Variants in PAK3 observed in about 807,000 individuals in gnomAD.
PAK3 encodes the protein serine/threonine-protein kinase PAK 3.
Under a neutral mutation model 41.0 loss-of-function variants are expected in PAK3, and 4 were observed. The ratio of observed to expected loss-of-function variants is 0.10; its 90% confidence interval spans 0.05 to 0.22. PAK3 has a LOEUF of 0.22. PAK3 is among the 10% of genes least tolerant of loss of function. The pLI is 1.00. For missense variants in PAK3, 205 were observed against 409.9 expected, an observed-to-expected ratio of 0.50 and a Z score of 4.32; for synonymous variants, 146 against 139.6, an observed-to-expected ratio of 1.05 and a Z score of -0.32.
At chrX:110,985,354 C>T (rs1162411574) in intron 1 of PAK3, among the ~76,000 whole-genome samples, 1 of 111,853 alleles carries the variant, frequency 8.9e-6, no homozygotes, top group African/African-American at 3.2e-5. Context: ...CCCCCTTCCT[C>T]CTACCTCCCT....
chrX:111,172,885 T>C lies in PAK3; in HGVS notation c.767-133T>C, dbSNP rs2094361557. The C allele has an allele frequency of 1.4e-5, 7 of 515,699 alleles. No homozygotes were observed. The Admixed American group carries it at 1.6e-4, about 12-fold the overall frequency. The allele number at this position is 515,699 out of a possible 1,213,427, so 42.5% of individuals were successfully genotyped here. On this transcript the variant is annotated intron_variant, in intron 10 of 17. Transcript: ENST00000372007. ...TCCCATGGGAGTATTTGTCTAATGT[T>C]TTATTTGTCACTGACTCTGGCATCT...
At chrX:111,187,559 C>T (rs974111911) in intron 11 of PAK3, among the ~76,000 whole-genome samples, 3 of 111,101 alleles carry the variant, frequency 2.7e-5, no homozygotes, top group African/African-American at 9.8e-5. Flanking sequence ...CTGTTCTCAA[C>T]CCAGCAGTGA....
chrX:111,152,126 T>A lies in PAK3; in HGVS notation c.431-284T>A, dbSNP rs5985590. On this transcript the variant is annotated intron_variant, in intron 7 of 17. Coordinates refer to ENST00000372007, the MANE Select transcript of PAK3 (RefSeq NM_002578.5). Reference sequence around the variant, plus strand: ...TACTATAGATGTACAGAATCATACCTGTTAAGAGTAGGTAATCTTGTCATT... The same window carrying A: ...TACTATAGATGTACAGAATCATACCAGTTAAGAGTAGGTAATCTTGTCATT... Among the ~76,000 whole-genome samples, 21,416 of 111,792 alleles carry A rather than the reference T, an allele frequency of 0.19. 4,310 individuals are homozygous for A. Among genetic ancestry groups the A allele is most frequent in the African/African-American group, 0.62 (18,773 of 30,487 alleles).
chrX:110,988,807 C>T (rs956415911), intron 1 of PAK3, among the ~76,000 whole-genome samples: 1 of 111,661 alleles, frequency 9.0e-6, no homozygotes, highest in African/African-American at 3.3e-5. Context: ...GTTAGGGAGG[C>T]GGCTGCAGGT....
chrX:111,097,217 G>A (rs1025777556), intron 1 of PAK3, among the ~76,000 whole-genome samples, 173 bp from the exon 2 acceptor site: 12 of 91,517 alleles, frequency 1.3e-4, no homozygotes, highest in Non-Finnish European at 2.3e-4. Context: ...GATTACTGCC[G>A]CACTTTTGGG....
chrX:111,208,828 A>G (rs2094785444), intron 16 of PAK3, among the ~76,000 whole-genome samples: 1 of 111,675 alleles, frequency 9.0e-6, no homozygotes, highest in Non-Finnish European at 1.9e-5. Flanking sequence ...GATTTAAAGT[A>G]TAGGGGAGGC....
intron 5 of PAK3, among the ~76,000 whole-genome samples, chrX:111,131,003 CT>C (rs2093708938): frequency 8.9e-6 from 1 of 111,745 alleles, no homozygotes; most frequent in Non-Finnish European, 1.9e-5. Context: ...CCCCCAACTC[CT>C]AGTCCAGTGG....
chrX:111,080,102 G>A, intron 1 of PAK3, among the ~76,000 whole-genome samples: 1 of 112,445 alleles, frequency 8.9e-6, no homozygotes, highest in Middle Eastern at 4.6e-3. Context: ...CAAAGGATTT[G>A]GGATATTACA....
At position 111,225,503 on chromosome X, in the gene PAK3, C is replaced by G. The variant is rs1019238262; in HGVS notation, c.*5056C>G. ...ATCAGGCAAATGCTATCCCATAATA[C>G]CAGCAGTAAGCCTGGCAACATGTTC... On this transcript the variant is annotated 3_prime_UTR_variant, in exon 18 of 18. Coordinates refer to ENST00000372007, the MANE Select transcript of PAK3 (RefSeq NM_002578.5). The G allele has an allele frequency of 1.8e-5, 2 of 112,027 alleles. No homozygotes were observed. The highest frequency in any genetic ancestry group is 3.8e-5 in the Non-Finnish European group (2 of 53,261). 9.2% of individuals were successfully genotyped at this position (112,027 alleles called of 1,213,427 possible). A position where few individuals can be genotyped will look rare whatever the true frequency, so the allele number is the denominator to read the frequency against.
At chrX:111,203,336 G>T (rs1367265020) in intron 16 of PAK3, among the ~76,000 whole-genome samples, 1 of 111,911 alleles carries the variant, frequency 8.9e-6, no homozygotes, top group Non-Finnish European at 1.9e-5. Context: ...TATCCAAAAA[G>T]AAATGACATT....
intron 16 of PAK3, among the ~76,000 whole-genome samples, chrX:111,200,368 CTCT>C (rs759658724): frequency 8.9e-6 from 1 of 111,781 alleles, no homozygotes; most frequent in Non-Finnish European, 1.9e-5. Flanking sequence ...GGTACTTGGC[CTCT>C]TGTTTTATTC....
chrX:111,063,628 C>T (rs2092676134), intron 1 of PAK3, among the ~76,000 whole-genome samples: 1 of 110,890 alleles, frequency 9.0e-6, no homozygotes, highest in Non-Finnish European at 1.9e-5. Context: ...ATGACTCCTT[C>T]GAGACCAGCC....
intron 8 of PAK3, among the ~76,000 whole-genome samples, chrX:111,160,102 G>A (rs1025578302): frequency 6.3e-5 from 7 of 111,069 alleles, no homozygotes; most frequent in East Asian, 5.6e-4. Flanking sequence ...ATTCATTGTC[G>A]GATTATGTTA....
chrX:111,127,270 G>T (rs2093660187), intron 5 of PAK3, among the ~76,000 whole-genome samples: 1 of 111,181 alleles, frequency 9.0e-6, no homozygotes, highest in African/African-American at 3.3e-5. Flanking sequence ...ATATTTGAGG[G>T]TCTTTCCAAA....
intron 10 of PAK3, among the ~76,000 whole-genome samples, chrX:111,164,140 C>T (rs1233795454): frequency 9.0e-6 from 1 of 110,945 alleles, no homozygotes; most frequent in Non-Finnish European, 1.9e-5. Flanking sequence ...TAGCTTTTTC[C>T]CTTAATTCAG....
chrX:111,124,286 T>C (rs1404590514), intron 5 of PAK3, among the ~76,000 whole-genome samples: 10 of 112,121 alleles, frequency 8.9e-5, no homozygotes, highest in Non-Finnish European at 1.9e-4. Flanking sequence ...AATCTCTGGA[T>C]TGAAGATAAA....
chrX:111,137,280 G>C (rs1166389892), intron 5 of PAK3, among the ~76,000 whole-genome samples: 1 of 111,664 alleles, frequency 9.0e-6, no homozygotes, highest in African/African-American at 3.3e-5. Flanking sequence ...GATGAGAAAG[G>C]GTGAGCAGCC....
rs2094953280 is a variant in PAK3, at chrX:111,226,386, A to C, written c.*5939A>C. 8.9e-6 allele frequency: 1 copy of C among 111,734 alleles called. No individual in the cohort carries two copies. The highest frequency in any genetic ancestry group is 3.3e-5 in the African/African-American group (1 of 30,690). 9.2% of individuals were successfully genotyped at this position (111,734 alleles called of 1,213,427 possible). On this transcript the variant is annotated 3_prime_UTR_variant, in exon 18 of 18. Coordinates refer to ENST00000372007, the MANE Select transcript of PAK3 (RefSeq NM_002578.5). ...TGTGGCCAGTATTTGCCACTACAAC[A>C]GAAACACACTGTCACACTTGCTAGA...
chrX:111,112,856 T>G (rs1232800359), intron 4 of PAK3, among the ~76,000 whole-genome samples: 2 of 111,610 alleles, frequency 1.8e-5, no homozygotes, highest in Admixed American at 9.6e-5. Flanking sequence ...GTAAGTTTCT[T>G]TTTCCGAGTG....
Sources: gnomAD v4.1 joint callset for allele counts (sites outside exome capture counted in the v4.1 genomes callset) on GRCh38, gnomAD v4.1.1 for gene constraint, MANE v1.5 for transcripts, NCBI Gene and HGNC (gene_info 2026-07-23, HGNC 2026-07-21) for gene names.